The following MYO5B variants were observed in gnomAD, a reference collection of about 807,000 sequenced individuals.
MYO5B encodes the protein unconventional myosin-Vb.
Under a neutral mutation model 229.3 loss-of-function variants are expected in MYO5B, and 143 were observed. The ratio of observed to expected loss-of-function variants is 0.62; its 90% confidence interval spans 0.54 to 0.72. MYO5B has a LOEUF of 0.72. MYO5B is among the 30% of genes least tolerant of loss of function. MYO5B has a pLI of 0.00. For missense variants in MYO5B, 2,321 were observed against 2,331.0 expected (o/e 1.00, Z 0.09); for synonymous variants, 918 against 885.2 (o/e 1.04, Z -0.66).
chr18:49,976,697 T>C (rs2025754870), intron 9 of MYO5B, among the ~76,000 whole-genome samples: 1 of 152,200 alleles, frequency 6.6e-6, no homozygotes, highest in South Asian at 2.1e-4. Context: ...ACAATCAGCT[T>C]GGTTTGGGCC....
chr18:50,136,448 C>T (rs1357564650), intron 1 of MYO5B, among the ~76,000 whole-genome samples: 1 of 136,476 alleles, frequency 7.3e-6, no homozygotes, highest in East Asian at 2.2e-4. Flanking sequence ...TACAAGTAAA[C>T]ATTAGCTGAC....
chr18:49,853,687 C>T (rs62098716), intron 30 of MYO5B, 40 bp from the exon 31 acceptor site: 1 of 1,591,190 alleles, frequency 6.3e-7, no homozygotes, highest in Non-Finnish European at 8.5e-7. Context: ...TGGCCCAGGC[C>T]AGGGCCCCCA....
At chr18:49,854,344 G>A (rs2024235687) in intron 30 of MYO5B, among the ~76,000 whole-genome samples, 1 of 152,104 alleles carries the variant, frequency 6.6e-6, no homozygotes, top group South Asian at 2.1e-4. Flanking sequence ...AAAGATTGAG[G>A]AGAAGTCTTA....
intron 22 of MYO5B, among the ~76,000 whole-genome samples, chr18:49,889,269 T>C (rs943325252): frequency 2.6e-5 from 4 of 152,242 alleles, no homozygotes; most frequent in Non-Finnish European, 5.9e-5. Context: ...TAATTTGCTA[T>C]TGCTGGAGGC....
intron 33 of MYO5B, among the ~76,000 whole-genome samples, chr18:49,846,611 A>T (rs2024130864): frequency 6.6e-6 from 1 of 152,202 alleles, no homozygotes; most frequent in African/African-American, 2.4e-5. Flanking sequence ...ACCAAACAGA[A>T]GGAGTCTGAA....
At chr18:49,888,572 CG>C (rs1568018912) in intron 22 of MYO5B, among the ~76,000 whole-genome samples, 1 of 152,088 alleles carries the variant, frequency 6.6e-6, no homozygotes. Context: ...GGTTGCAGCA[CG>C]GGCACTGAGA....
intron 1 of MYO5B, among the ~76,000 whole-genome samples, chr18:50,060,583 T>C (rs990093990): frequency 6.6e-6 from 1 of 152,274 alleles, no homozygotes; most frequent in Non-Finnish European, 1.5e-5. Flanking sequence ...CTTGTGATTT[T>C]TGGAAAGTTC....
At chr18:49,843,218 G>T in intron 34 of MYO5B, 23 bp downstream of exon 34, 1 of 1,613,028 alleles carries the variant, frequency 6.2e-7, no homozygotes, top group South Asian at 1.1e-5. Context: ...CACAAACCAT[G>T]ACCTTCTGCA....
intron 30 of MYO5B, among the ~76,000 whole-genome samples, chr18:49,854,109 G>A (rs886067183): frequency 6.6e-6 from 1 of 152,200 alleles, no homozygotes; most frequent in African/African-American, 2.4e-5. Flanking sequence ...CCCTGTGGCA[G>A]ATTCTCCACA....
At chr18:49,936,804 G>T (rs1280427436) in intron 15 of MYO5B, among the ~76,000 whole-genome samples, 1 of 152,160 alleles carries the variant, frequency 6.6e-6, no homozygotes, top group Non-Finnish European at 1.5e-5. Flanking sequence ...GGTGGTGGCT[G>T]CCAGGGACTT....
chr18:50,117,190 T>C (rs1218191376), intron 1 of MYO5B, among the ~76,000 whole-genome samples: 2 of 152,122 alleles, frequency 1.3e-5, no homozygotes. Context: ...CTTAGGTGAA[T>C]ATGAATATGA....
chr18:50,159,449 T>C lies in MYO5B; in HGVS notation c.27+35318A>G, dbSNP rs116020956. ...CCATCTTTCCCAGGCTGGGCCTAAA[T>C]ATACAACCCAGGAAACTCAAGCTGA... On this transcript the variant is annotated intron_variant, in intron 1 of 39. Transcript: ENST00000285039. Among the ~76,000 whole-genome samples, 639 of 152,192 alleles carry C rather than the reference T, an allele frequency of 4.2e-3. 4 individuals are homozygous for C. Among genetic ancestry groups the C allele is most frequent in the African/African-American group, 0.014 (568 of 41,502 alleles).
chr18:49,841,959 G>A (rs1008539536), intron 34 of MYO5B, among the ~76,000 whole-genome samples: 13 of 152,148 alleles, frequency 8.5e-5, no homozygotes, highest in African/African-American at 2.9e-4. Flanking sequence ...CCCTAACTAG[G>A]TGAAAAAGCC....
intron 36 of MYO5B, 129 bp from the exon 37 acceptor site, chr18:49,837,931 T>A (rs2024010390): frequency 8.0e-7 from 1 of 1,251,820 alleles, no homozygotes; most frequent in Non-Finnish European, 1.1e-6. Context: ...GTTGACATGC[T>A]TAGGAACTTA....
chr18:49,843,904 C>T (rs1231741252), intron 33 of MYO5B, among the ~76,000 whole-genome samples: 2 of 152,240 alleles, frequency 1.3e-5, no homozygotes, highest in Non-Finnish European at 2.9e-5. Context: ...GAGGTTGGAA[C>T]AATCTCTGGC....
intron 4 of MYO5B, among the ~76,000 whole-genome samples, chr18:50,036,068 C>T (rs1371840115): frequency 7.2e-5 from 11 of 152,112 alleles, no homozygotes; most frequent in Non-Finnish European, 4.4e-5. Flanking sequence ...AATAGCTTTC[C>T]TTCTCCAAAA....
intron 1 of MYO5B, among the ~76,000 whole-genome samples, chr18:50,058,632 A>G (rs763977315): frequency 6.6e-5 from 10 of 152,086 alleles, no homozygotes; most frequent in Non-Finnish European, 1.5e-5. Flanking sequence ...CCAACATGGT[A>G]AAACCCTGTC....
At chr18:49,843,044 A>G (rs2024079045) in intron 34 of MYO5B, among the ~76,000 whole-genome samples, 197 bp downstream of exon 34, 1 of 152,202 alleles carries the variant, frequency 6.6e-6, no homozygotes, top group Non-Finnish European at 1.5e-5. Context: ...GCTTTCTGCC[A>G]TTGCTGGGCC....
intron 1 of MYO5B, among the ~76,000 whole-genome samples, chr18:50,128,637 G>A (rs546313141): frequency 6.6e-6 from 1 of 152,180 alleles, no homozygotes; most frequent in East Asian, 1.9e-4. Context: ...ACAGCTCGGA[G>A]AGCAGTTCTG....
Sources: gnomAD v4.1 joint callset for allele counts (sites outside exome capture counted in the v4.1 genomes callset) on GRCh38, gnomAD v4.1.1 for gene constraint, MANE v1.5 for transcripts, NCBI Gene and HGNC (gene_info 2026-07-23, HGNC 2026-07-21) for gene names.